Variants in NALF1 observed in about 807,000 individuals in gnomAD.
NALF1 encodes the protein NALCN channel auxiliary factor 1.
A neutral mutation model predicts 48.4 loss-of-function variants in NALF1; 3 were observed. That is an observed-to-expected ratio of 0.06 (90% CI 0.03 to 0.16). NALF1 has a LOEUF of 0.16. NALF1 is among the 10% of genes least tolerant of loss of function. NALF1 has a pLI of 1.00. For missense variants in NALF1, 526 were observed against 571.5 expected, an observed-to-expected ratio of 0.92 and a Z score of 0.81; for synonymous variants, 262 against 245.7, an observed-to-expected ratio of 1.07 and a Z score of -0.62.
intron 1 of NALF1, among the ~76,000 whole-genome samples, chr13:107,831,906 G>A (rs539048349): frequency 2.6e-4 from 39 of 152,000 alleles, no homozygotes; most frequent in Non-Finnish European, 4.9e-4. Context: ...CTTTTAGTTT[G>A]TAAAGACAGT....
chr13:107,655,892 A>G (rs1405967918), intron 1 of NALF1, among the ~76,000 whole-genome samples: 1 of 152,174 alleles, frequency 6.6e-6, no homozygotes, highest in Admixed American at 6.6e-5. Flanking sequence ...CAAAGCAAAC[A>G]AAAACATAAA....
At chr13:107,175,446 T>A (rs1460409716) in intron 2 of NALF1, among the ~76,000 whole-genome samples, 4 of 152,200 alleles carry the variant, frequency 2.6e-5, no homozygotes, top group Non-Finnish European at 5.9e-5. Context: ...AGCAAATCTG[T>A]TAGCATGCAT....
intron 1 of NALF1, among the ~76,000 whole-genome samples, chr13:107,582,014 A>T (rs1878326110): frequency 6.6e-6 from 1 of 152,168 alleles, no homozygotes; most frequent in Admixed American, 6.6e-5. Flanking sequence ...GCTTCTAGGA[A>T]TTCTGTGTTT....
intron 1 of NALF1, among the ~76,000 whole-genome samples, chr13:107,252,350 T>G (rs1594090227): frequency 2.7e-5 from 4 of 146,386 alleles, no homozygotes; most frequent in African/African-American, 5.1e-5. Flanking sequence ...GGACAGGTGG[T>G]GGGAAACAGG....
intron 1 of NALF1, among the ~76,000 whole-genome samples, chr13:107,811,972 T>A (rs538385546): frequency 5.7e-4 from 87 of 152,162 alleles, no homozygotes; most frequent in African/African-American, 1.9e-3. Flanking sequence ...AAGTTTATCA[T>A]AACAGTTAAA....
rs557913228 is a variant in NALF1 at position 107,760,707 on chromosome 13, G to A, written c.915+104975C>T. On this transcript the variant is annotated intron_variant, in intron 1 of 2. Coordinates refer to ENST00000375915, the MANE Select transcript of NALF1 (RefSeq NM_001080396.3). ...GTTTTAAATGTTACTCAAATACCACGCATGTTGTCATAATTCTAGCAAGGT... is the reference window on the plus strand; with the variant it reads ...GTTTTAAATGTTACTCAAATACCACACATGTTGTCATAATTCTAGCAAGGT... Among the ~76,000 whole-genome samples the A allele has an allele frequency of 3.4e-4, 51 of 152,224 alleles. 1 individual carries two copies. The South Asian group carries it at 9.6e-3, about 29-fold the overall frequency.
chr13:107,482,155 A>C (rs1214068386), intron 1 of NALF1, among the ~76,000 whole-genome samples: 3 of 152,068 alleles, frequency 2.0e-5, no homozygotes, highest in Admixed American at 6.6e-5. Flanking sequence ...CAATCAGATA[A>C]AAGCTTTAAG....
At chr13:107,667,764 T>A (rs1880896562) in intron 1 of NALF1, among the ~76,000 whole-genome samples, 1 of 152,048 alleles carries the variant, frequency 6.6e-6, no homozygotes, top group Non-Finnish European at 1.5e-5. Flanking sequence ...AGAAATTAAA[T>A]CCCTACAAAA....
chr13:107,419,128 ATGTGT>A (rs1490435979), intron 1 of NALF1, among the ~76,000 whole-genome samples: 1 of 152,206 alleles, frequency 6.6e-6, no homozygotes, highest in Admixed American at 6.6e-5. Context: ...TAAGCTGCAT[ATGTGT>A]TGACTAGATT....
At chr13:107,745,567 C>A (rs900516035) in intron 1 of NALF1, among the ~76,000 whole-genome samples, 2 of 152,120 alleles carry the variant, frequency 1.3e-5, no homozygotes, top group Non-Finnish European at 2.9e-5. Flanking sequence ...CAGTGACCTA[C>A]GTTTATTTTT....
intron 1 of NALF1, among the ~76,000 whole-genome samples, chr13:107,597,769 T>C (rs1201841145): frequency 2.0e-5 from 3 of 152,178 alleles, no homozygotes; most frequent in Non-Finnish European, 2.9e-5. Flanking sequence ...TAAGAATACA[T>C]AATTATTTTA....
At chr13:107,229,756 G>A (rs1206552302) in intron 1 of NALF1, among the ~76,000 whole-genome samples, 3 of 152,294 alleles carry the variant, frequency 2.0e-5, no homozygotes, top group Non-Finnish European at 2.9e-5. Context: ...GGGTTTTGAA[G>A]GAGGTTTCTC....
At chr13:107,401,814 C>A (rs923358169) in intron 1 of NALF1, among the ~76,000 whole-genome samples, 1 of 152,164 alleles carries the variant, frequency 6.6e-6, no homozygotes, top group Non-Finnish European at 1.5e-5. Context: ...AAGTCACAAT[C>A]AAACCCATGT....
intron 1 of NALF1, among the ~76,000 whole-genome samples, chr13:107,557,131 C>T (rs986154279): frequency 6.6e-6 from 1 of 151,860 alleles, no homozygotes; most frequent in African/African-American, 2.4e-5. Context: ...TTTTGATGGC[C>T]AGAGCCTAGC....
intron 1 of NALF1, among the ~76,000 whole-genome samples, chr13:107,489,926 A>G (rs867780043): frequency 6.6e-5 from 10 of 152,174 alleles, no homozygotes; most frequent in Non-Finnish European, 1.0e-4. Context: ...AAGCTGGCAA[A>G]GAACGTGAAC....
intron 1 of NALF1, among the ~76,000 whole-genome samples, chr13:107,731,338 A>T (rs539226171): frequency 4.5e-4 from 69 of 152,326 alleles, no homozygotes; most frequent in African/African-American, 1.6e-3. Flanking sequence ...CATTCACAAT[A>T]AAACATTATA....
At chr13:107,572,538 G>A (rs1213301117) in intron 1 of NALF1, among the ~76,000 whole-genome samples, 1 of 152,100 alleles carries the variant, frequency 6.6e-6, no homozygotes, top group African/African-American at 2.4e-5. Context: ...AATTCCCTTT[G>A]TGCCGATCCA....
At chr13:107,199,875 G>A (rs1038804187) in intron 2 of NALF1, among the ~76,000 whole-genome samples, 12 of 152,172 alleles carry the variant, frequency 7.9e-5, no homozygotes, top group Non-Finnish European at 1.5e-4. Flanking sequence ...ACAGACACCC[G>A]TGGGCGGGAG....
intron 1 of NALF1, among the ~76,000 whole-genome samples, chr13:107,439,282 A>G (rs754262149): frequency 1.3e-5 from 2 of 152,214 alleles, no homozygotes; most frequent in Non-Finnish European, 2.9e-5. Context: ...TGTTGGGGTT[A>G]TAACATCTAA....
Sources: allele counts gnomAD v4.1 joint callset (sites outside exome capture counted in the v4.1 genomes callset), GRCh38; gene constraint gnomAD v4.1.1; transcripts MANE v1.5; gene names NCBI Gene and HGNC (gene_info 2026-07-23, HGNC 2026-07-21).